The following CHM variants were observed in gnomAD, a reference collection of about 807,000 sequenced individuals.
CHM encodes the protein rab proteins geranylgeranyltransferase component A 1.
In CHM, 10 loss-of-function variants were observed where a neutral mutation model predicts 49.0. That is an observed-to-expected ratio of 0.20 (90% CI 0.13 to 0.35). The LOEUF is 0.35. Ranked by LOEUF, CHM falls within the 10% of genes least tolerant of loss-of-function variation. The probability of loss-of-function intolerance (pLI) is 1.00; values close to 1 mark genes in which losing one functional copy is unlikely to be tolerated. For synonymous variants in CHM, 184 were observed against 167.5 expected (o/e 1.10, Z -0.76); for missense variants, 455 against 478.4 (o/e 0.95, Z 0.46).
intron 8 of CHM, among the ~76,000 whole-genome samples, chrX:85,913,400 A>G (rs866700933): frequency 1.0e-5 from 1 of 99,684 alleles, no homozygotes. Flanking sequence ...AGGAAAAGGA[A>G]AGGAGAAAGG....
At chrX:85,961,829 A>T in intron 5 of CHM, among the ~76,000 whole-genome samples, 1 of 111,397 alleles carries the variant, frequency 9.0e-6, no homozygotes, top group Non-Finnish European at 1.9e-5. Flanking sequence ...ACTGGTTATT[A>T]CTAACCATTC....
intron 1 of CHM, among the ~76,000 whole-genome samples, chrX:86,041,726 GTA>G (rs3078104): frequency 0.033 from 2,729 of 83,544 alleles, 38 homozygotes; most frequent in African/African-American, 0.063. Context: ...TGGTGTGTGT[GTA>G]TATATATATA....
intron 12 of CHM, among the ~76,000 whole-genome samples, chrX:85,882,378 C>T (rs1038951252): frequency 1.8e-5 from 2 of 111,297 alleles, no homozygotes; most frequent in Admixed American, 9.6e-5. Context: ...AAAAGTATTA[C>T]GTTTCATTAG....
At chrX:85,935,169 A>T (rs988984832) in intron 8 of CHM, among the ~76,000 whole-genome samples, 3 of 111,497 alleles carry the variant, frequency 2.7e-5, no homozygotes, top group Non-Finnish European at 5.7e-5. Context: ...TGTGTCACAC[A>T]GTAAAAGAGG....
intron 14 of CHM, among the ~76,000 whole-genome samples, chrX:85,867,462 C>A (rs939091311): frequency 4.5e-5 from 5 of 112,014 alleles, no homozygotes; most frequent in African/African-American, 1.6e-4. Context: ...CTAATACAAG[C>A]CCACATGTGA....
intron 8 of CHM, among the ~76,000 whole-genome samples, chrX:85,933,128 A>G (rs1928534737): frequency 9.0e-6 from 1 of 111,021 alleles, no homozygotes; most frequent in Non-Finnish European, 1.9e-5. Context: ...GGATCCCTTG[A>G]GCTCAGGAGT....
intron 12 of CHM, among the ~76,000 whole-genome samples, chrX:85,886,700 T>A (rs1039637549): frequency 1.8e-5 from 2 of 110,669 alleles, no homozygotes; most frequent in African/African-American, 6.6e-5. Flanking sequence ...CAACTATTTG[T>A]GACGTCAGTG....
At chrX:86,014,657 A>G (rs574305128) in intron 2 of CHM, among the ~76,000 whole-genome samples, 4 of 112,592 alleles carry the variant, frequency 3.6e-5, no homozygotes, top group South Asian at 3.6e-4. Context: ...AAAATCCTGC[A>G]TCACTATATA....
At chrX:86,007,715 T>A (rs982500161) in intron 2 of CHM, among the ~76,000 whole-genome samples, 2 of 112,193 alleles carry the variant, frequency 1.8e-5, no homozygotes, top group African/African-American at 6.5e-5. Flanking sequence ...AGGTACCAAC[T>A]CATACCAGTT....
At chrX:85,978,715 AAG>A (rs1931424005) in intron 4 of CHM, 50 bp downstream of exon 4, 2 of 1,132,718 alleles carry the variant, frequency 1.8e-6, no homozygotes, top group Non-Finnish European at 2.4e-6. Context: ...TCTTCTAAAG[AAG>A]AGTGAAAAAG....
chrX:85,882,270 T>C (rs1222555721), intron 12 of CHM, among the ~76,000 whole-genome samples: 1 of 111,806 alleles, frequency 8.9e-6, no homozygotes, highest in Non-Finnish European at 1.9e-5. Flanking sequence ...AATACTTCTT[T>C]GCATCTATGT....
At chrX:86,037,456 G>A (rs191569681) in intron 1 of CHM, among the ~76,000 whole-genome samples, 93 of 111,221 alleles carry the variant, frequency 8.4e-4, no homozygotes, top group African/African-American at 2.6e-3. Flanking sequence ...TATTTCTATT[G>A]TAATTTAAGT....
chrX:85,918,639 T>A (rs757766844), intron 8 of CHM, among the ~76,000 whole-genome samples: 3 of 111,980 alleles, frequency 2.7e-5, no homozygotes, highest in Non-Finnish European at 5.6e-5. Flanking sequence ...CCCAACAGTA[T>A]GCTGTCTTCA....
intron 1 of CHM, 62 bp downstream of exon 1, chrX:86,047,422 G>GA (rs1056780792): frequency 1.7e-5 from 18 of 1,090,691 alleles, no homozygotes; most frequent in African/African-American, 1.3e-4. Context: ...GCCACTGACA[G>GA]AAAAAACAGA....
intron 4 of CHM, among the ~76,000 whole-genome samples, chrX:85,966,855 A>G (rs899675221): frequency 8.9e-6 from 1 of 111,974 alleles, no homozygotes; most frequent in African/African-American, 3.2e-5. Context: ...TCTCTATTAC[A>G]TTCTGTGATG....
intron 6 of CHM, among the ~76,000 whole-genome samples, chrX:85,958,641 T>C (rs1231443864): frequency 9.0e-6 from 1 of 111,608 alleles, no homozygotes; most frequent in African/African-American, 3.3e-5. Flanking sequence ...TGCTTTTTGG[T>C]TTTTTGTGTG....
chrX:85,934,024 A>G (rs5923405), intron 8 of CHM, among the ~76,000 whole-genome samples: 28,019 of 105,329 alleles, frequency 0.27, 3,473 homozygotes, highest in Admixed American at 0.39. Context: ...TCTGTTGCCC[A>G]GGCTGGAGTG....
At chrX:85,868,612 A>T (rs1359169149) in intron 14 of CHM, among the ~76,000 whole-genome samples, 1 of 111,301 alleles carries the variant, frequency 9.0e-6, no homozygotes, top group African/African-American at 3.3e-5. Context: ...TCTTAACTTC[A>T]TCTGTTCCTT....
intron 11 of CHM, among the ~76,000 whole-genome samples, chrX:85,897,499 T>A (rs1274887289): frequency 9.1e-6 from 1 of 109,476 alleles, no homozygotes; most frequent in Non-Finnish European, 1.9e-5. Context: ...CCTGATTCAT[T>A]CCTGGGCTGA....
Sources: allele counts gnomAD v4.1 joint callset (sites outside exome capture counted in the v4.1 genomes callset), GRCh38; gene constraint gnomAD v4.1.1; transcripts MANE v1.5; gene names NCBI Gene and HGNC (gene_info 2026-07-23, HGNC 2026-07-21).